AACS: variants seen among roughly 807,000 people sequenced by gnomAD.
AACS encodes the protein acetoacetate-CoA ligase.
A neutral mutation model predicts 83.1 loss-of-function variants in AACS; 69 were observed. That is an observed-to-expected ratio of 0.83 (90% confidence interval 0.68 to 1.01). AACS has a LOEUF of 1.01. AACS is among the 50% of genes least tolerant of loss of function. The pLI, the probability that AACS is intolerant of heterozygous loss-of-function variation, is 0.00. For missense variants in AACS, 866 were observed against 882.2 expected (o/e 0.98, Z 0.23); for synonymous variants, 333 against 343.4 (o/e 0.97, Z 0.33).
intron 16 of AACS, 140 bp from the exon 17 acceptor site, chr12:125,136,522 G>C (rs1957402490): frequency 1.6e-6 from 1 of 644,440 alleles, no homozygotes; most frequent in Non-Finnish European, 2.7e-6. Flanking sequence ...CCTTCTCCTG[G>C]GTGGACTGGG....
chr12:125,103,986 T>TAA, intron 7 of AACS, among the ~76,000 whole-genome samples: 1 of 1,984 alleles, frequency 5.0e-4, no homozygotes, highest in Non-Finnish European at 2.3e-3. Context: ...AAACTCCGTC[T>TAA]CAAAAAAAAA....
At chr12:125,092,188 C>T (rs1956500828) in intron 5 of AACS, among the ~76,000 whole-genome samples, 1 of 152,254 alleles carries the variant, frequency 6.6e-6, no homozygotes, top group Admixed American at 6.5e-5. Context: ...CTCCTGGCTG[C>T]AGAGCCTTGA....
chr12:125,087,147 C>T (rs550217077), intron 4 of AACS, among the ~76,000 whole-genome samples: 17 of 152,234 alleles, frequency 1.1e-4, no homozygotes, highest in Admixed American at 4.6e-4. Context: ...GGTGCTGGTC[C>T]GTTCTGACGC....
At chr12:125,124,225 T>C (rs1044497097) in intron 10 of AACS, 1 of 154,932 alleles carries the variant, frequency 6.5e-6, no homozygotes, top group Non-Finnish European at 1.4e-5. Flanking sequence ...GGCCCAGGAG[T>C]TGGAGACTGC....
intron 3 of AACS, among the ~76,000 whole-genome samples, chr12:125,084,451 T>C (rs1956280936): frequency 6.6e-6 from 1 of 151,986 alleles, no homozygotes; most frequent in Admixed American, 6.6e-5. Flanking sequence ...TTGCTCAGGC[T>C]GGAGTGCAGT....
At chr12:125,084,166 A>G (rs946558866) in intron 3 of AACS, among the ~76,000 whole-genome samples, 8 of 151,764 alleles carry the variant, frequency 5.3e-5, no homozygotes, top group Middle Eastern at 3.2e-3. Flanking sequence ...CATCTCTACT[A>G]AAAATACAAA....
chr12:125,117,398 A>G (rs906646058), intron 9 of AACS, among the ~76,000 whole-genome samples: 1 of 151,632 alleles, frequency 6.6e-6, no homozygotes, highest in African/African-American at 2.4e-5. Context: ...TAGGTGACAC[A>G]GTGAGACTCC....
At chr12:125,085,831 T>C (rs909603240) in intron 3 of AACS, among the ~76,000 whole-genome samples, 2 of 152,232 alleles carry the variant, frequency 1.3e-5, no homozygotes, top group Non-Finnish European at 2.9e-5. Context: ...ATTTATTTAT[T>C]TTGAGACAGG....
At position 125,103,987 on chromosome 12, in the gene AACS, C is replaced by CAAAAAAAAAAAAAAAAAAAAAAAA. The variant is rs71092274; in HGVS notation, c.767+915_767+938dup. Among the ~76,000 whole-genome samples, 2 of 41,182 alleles carry CAAAAAAAAAAAAAAAAAAAAAAAA rather than the reference C, an allele frequency of 4.9e-5. 1 individual carries two copies. Among genetic ancestry groups the CAAAAAAAAAAAAAAAAAAAAAAAA allele is most frequent in the Non-Finnish European group, 1.0e-4 (2 of 19,764 alleles). 27.0% of individuals were successfully genotyped at this position (41,182 alleles called of 152,430 possible). On this transcript the variant is annotated intron_variant, in intron 7 of 17. Transcript: ENST00000316519. ...TGGGCAAAAAAGCGAAACTCCGTCT[C>CAAAAAAAAAAAAAAAAAAAAAAAA]AAAAAAAAAAAAAAAAAAAAAAAAA...
At chr12:125,124,522 C>A in intron 10 of AACS, 183 bp from the exon 11 acceptor site, 1 of 637,382 alleles carries the variant, frequency 1.6e-6, no homozygotes. Flanking sequence ...CAGTCAGGTG[C>A]ACCTGTGAGG....
In AACS at chr12:125,128,368, C is replaced by T. The variant is rs865999441; in HGVS notation, c.1423+94C>T. 6 of 1,119,468 alleles carry T rather than the reference C, an allele frequency of 5.4e-6. No homozygotes were observed. The South Asian group carries it at 5.4e-5, about 10-fold the overall frequency. 69.3% of individuals were successfully genotyped at this position (1,119,468 alleles called of 1,614,324 possible). A position where few individuals can be genotyped will look rare whatever the true frequency, so the allele number is the denominator to read the frequency against. ...TGTAACTTTGCTTGGACATAGTTCT[C>T]CAAAACAGCCCTCGGAGGGGAGGCC... On this transcript the variant is annotated intron_variant, in intron 13 of 17. Transcript: ENST00000316519.
intron 8 of AACS, among the ~76,000 whole-genome samples, chr12:125,111,782 A>G (rs1956958079): frequency 6.6e-6 from 1 of 152,204 alleles, no homozygotes; most frequent in Non-Finnish European, 1.5e-5. Context: ...GAGACCCAGG[A>G]AACTGTTTAT....
Position 125,129,560 on chromosome 12 carries a change from C to T in AACS, c.1549+100C>T. On this transcript the variant is annotated intron_variant, in intron 14 of 17. Coordinates refer to ENST00000316519, the MANE Select transcript of AACS (RefSeq NM_023928.5). The surrounding 1 kb of genome is among the most constrained non-coding windows in gnomAD (Gnocchi z 4.3). ...TCGTGCCCCTCCCCTCTTCCTTCCC[C>T]CACCAGGGCTTGGAGAAGCTGCTTA... 1 of 1,450,908 alleles carries T rather than the reference C, an allele frequency of 6.9e-7. No individual in the cohort carries two copies. The highest frequency in any genetic ancestry group is 9.3e-7 in the Non-Finnish European group (1 of 1,079,604). The allele number at this position is 1,450,908 out of a possible 1,614,324, so 89.9% of individuals were successfully genotyped here.
intron 14 of AACS, 44 bp from the exon 15 acceptor site, chr12:125,133,959 C>A: frequency 6.2e-7 from 1 of 1,607,420 alleles, no homozygotes; most frequent in South Asian, 1.1e-5. Flanking sequence ...CCTGTCATGG[C>A]CCCTTCTCCT....
At chr12:125,133,093 G>T (rs1205723278) in intron 14 of AACS, among the ~76,000 whole-genome samples, 1 of 152,216 alleles carries the variant, frequency 6.6e-6, no homozygotes, top group African/African-American at 2.4e-5. Flanking sequence ...ATGACTTCTG[G>T]CATTACAAAG....
Position 125,129,602 on chromosome 12 carries a change from T to G in AACS, c.1549+142T>G, listed in dbSNP as rs1957301138. 9.1e-7 allele frequency: 1 copy of G among 1,095,446 alleles called. No homozygotes were observed. The highest frequency in any genetic ancestry group is 1.6e-5 in the African/African-American group (1 of 62,628). The allele number at this position is 1,095,446 out of a possible 1,614,324, so 67.9% of individuals were successfully genotyped here. A position where few individuals can be genotyped will look rare whatever the true frequency, so the allele number is the denominator to read the frequency against. ...AGCTGCTTATAGTTCATTCCGCCAG[T>G]GGGGGGATAATGAATTTTTGATCAA... On this transcript the variant is annotated intron_variant, in intron 14 of 17. Coordinates refer to ENST00000316519, the MANE Select transcript of AACS (RefSeq NM_023928.5). This position sits in a 1 kb window ranked among gnomAD's most constrained non-coding sequence, Gnocchi z 4.3.
At chr12:125,105,037 C>T (rs1956803330) in intron 7 of AACS, 1 of 151,950 alleles carries the variant, frequency 6.6e-6, no homozygotes, top group South Asian at 2.1e-4. Flanking sequence ...TTTCAATGAC[C>T]AGCTCTTGTG....
Position 125,136,699 on chromosome 12 carries a change from C to T in AACS, c.1716C>T (p.Val572=), listed in dbSNP as rs1234336997. The part of the protein sequence containing the change: ...SFEEVEDSLC[V]PQYNKYREER... Reference sequence around the variant, plus strand: ...AGGAGGTGGAGGACAGCCTGTGTGTCCCCCAGTATAACAAGTACAGGGAGG... The same window carrying T: ...AGGAGGTGGAGGACAGCCTGTGTGTTCCCCAGTATAACAAGTACAGGGAGG... Residue 572 remains valine, a synonymous_variant, in exon 17 of 18, where the codon GTC becomes GTT. Transcript: ENST00000316519. 1 of 1,613,972 alleles carries T rather than the reference C, an allele frequency of 6.2e-7. No individual in the cohort carries two copies. The highest frequency in any genetic ancestry group is 8.5e-7 in the Non-Finnish European group (1 of 1,180,032).
chr12:125,142,129 A>C lies in AACS; in HGVS notation c.1919A>C (p.Lys640Thr), dbSNP rs767722368. Residue 640 changes from lysine to threonine, a missense_variant, in exon 18 of 18, where the codon AAA becomes ACA. Coordinates refer to ENST00000316519, the MANE Select transcript of AACS (RefSeq NM_023928.5). Reference sequence around the variant, plus strand: ...GGCAAGAAAGTGGAAGTTGCCGTCAAACAGATCATCGCTGGAAAAGCCGTG... The same window carrying C: ...GGCAAGAAAGTGGAAGTTGCCGTCACACAGATCATCGCTGGAAAAGCCGTG... ...LNGKKVEVAVKQIIAGKAVEQ... is the reference protein window; with the variant it reads ...LNGKKVEVAVTQIIAGKAVEQ... 1.2e-6 allele frequency: 2 copies of C among 1,614,038 alleles called. No individual in the cohort carries two copies. Among genetic ancestry groups the C allele is most frequent in the Admixed American group, 3.3e-5 (2 of 60,002 alleles).
Sources: gnomAD v4.1 joint callset for allele counts (sites outside exome capture counted in the v4.1 genomes callset) on GRCh38, gnomAD v4.1.1 for gene constraint, Gnocchi (gnomAD v3.1) non-coding constraint, MANE v1.5 for transcripts, NCBI Gene and HGNC (gene_info 2026-07-23, HGNC 2026-07-21) for gene names.